The following SCRG1 variants were observed in gnomAD, a reference collection of about 807,000 sequenced individuals.
SCRG1 encodes the protein stimulator of chondrogenesis 1, also known as scrapie-responsive protein 1.
Under a neutral mutation model 7.7 loss-of-function variants are expected in SCRG1, and 3 were observed. That is an observed-to-expected ratio of 0.39 (90% confidence interval 0.18 to 1.01). The LOEUF is 1.01. SCRG1 is among the 50% of genes least tolerant of loss of function. The probability of loss-of-function intolerance (pLI) is 0.36; values close to 1 mark genes in which losing one functional copy is unlikely to be tolerated. For synonymous variants in SCRG1, 46 were observed against 41.2 expected (o/e 1.12, Z -0.44); for missense variants, 110 against 117.2 (o/e 0.94, Z 0.28).
chr4:173,395,970 A>G (rs1265835540), intron 1 of SCRG1, among the ~76,000 whole-genome samples: 1 of 152,234 alleles, frequency 6.6e-6, no homozygotes, highest in Non-Finnish European at 1.5e-5. Flanking sequence ...GAACAGTAGC[A>G]TGATCTGATT....
At chr4:173,471,570 C>A in the SCRG1 span, among the ~76,000 whole-genome samples, 2 of 151,974 alleles carry the variant, frequency 1.3e-5, no homozygotes, top group Admixed American at 1.3e-4. Flanking sequence ...TAAAAAATGG[C>A]CATTTCAGAG....
the SCRG1 span, chr4:173,470,028 CCAGA>C: frequency 2.0e-5 from 3 of 151,802 alleles, no homozygotes; most frequent in African/African-American, 7.3e-5. Context: ...GGAAGAATGC[CCAGA>C]CAGAGTCAGG....
chr4:173,410,701 T>C (rs1740017477), upstream of SCRG1, among the ~76,000 whole-genome samples: 2 of 152,246 alleles, frequency 1.3e-5, no homozygotes, highest in South Asian at 4.1e-4. Context: ...CTACAGATTA[T>C]ATTTAATATG....
the SCRG1 span, among the ~76,000 whole-genome samples, chr4:173,447,010 T>G: frequency 3.9e-5 from 6 of 152,234 alleles, no homozygotes; most frequent in Admixed American, 3.3e-4. Flanking sequence ...AATATGAATT[T>G]TAGAAAATTT....
At chr4:173,418,003 T>C in the SCRG1 span, among the ~76,000 whole-genome samples, 3,268 of 152,284 alleles carry the variant, frequency 0.021, 124 homozygotes, top group African/African-American at 0.071. Flanking sequence ...TCATGATAAA[T>C]GCAGGTTGAC....
the SCRG1 span, among the ~76,000 whole-genome samples, chr4:173,483,028 AAT>A: frequency 1.6e-5 from 2 of 127,936 alleles, no homozygotes; most frequent in African/African-American, 3.0e-5. Flanking sequence ...ATTTATATGT[AAT>A]ATATTTCATG....
the SCRG1 span, among the ~76,000 whole-genome samples, chr4:173,465,240 A>G: frequency 6.6e-6 from 1 of 152,196 alleles, no homozygotes; most frequent in African/African-American, 2.4e-5. Flanking sequence ...GAAAATGGTA[A>G]ATGTTATGAA....
chr4:173,489,396 T>C, the SCRG1 span, among the ~76,000 whole-genome samples: 1 of 152,230 alleles, frequency 6.6e-6, no homozygotes, highest in Non-Finnish European at 1.5e-5. Flanking sequence ...ATTCATTTTA[T>C]AAATGATTTG....
the SCRG1 span, among the ~76,000 whole-genome samples, chr4:173,491,453 C>T: frequency 6.6e-6 from 1 of 152,214 alleles, no homozygotes; most frequent in Non-Finnish European, 1.5e-5. Flanking sequence ...GTGTACTCCT[C>T]CTGCAGAGAT....
At chr4:173,498,483 C>CAGCA in the SCRG1 span, among the ~76,000 whole-genome samples, 6 of 152,200 alleles carry the variant, frequency 3.9e-5, no homozygotes, top group Non-Finnish European at 8.8e-5. Flanking sequence ...CCCTGGGCCC[C>CAGCA]AGCATACTCA....
chr4:173,472,746 G>T, the SCRG1 span, among the ~76,000 whole-genome samples: 1 of 152,138 alleles, frequency 6.6e-6, no homozygotes, highest in Admixed American at 6.5e-5. Flanking sequence ...CCCACATTAG[G>T]CAGGGAAATC....
At chr4:173,449,348 C>T in the SCRG1 span, among the ~76,000 whole-genome samples, 12,281 of 151,934 alleles carry the variant, frequency 0.081, 575 homozygotes, top group Non-Finnish European at 0.097. Flanking sequence ...ACTGTTGACA[C>T]TCTGGCTATC....
the SCRG1 span, chr4:173,419,842 A>G: frequency 4.4e-6 from 6 of 1,361,154 alleles, no homozygotes; most frequent in Non-Finnish European, 6.2e-6. Context: ...TGCCTAACCT[A>G]TTGAGAAGCC....
At chr4:173,456,306 A>G in the SCRG1 span, among the ~76,000 whole-genome samples, 1 of 152,222 alleles carries the variant, frequency 6.6e-6, no homozygotes, top group Non-Finnish European at 1.5e-5. Context: ...CTGTATGGTA[A>G]TAAGTTTCTT....
the SCRG1 span, among the ~76,000 whole-genome samples, chr4:173,486,796 C>T: frequency 1.3e-5 from 2 of 152,130 alleles, no homozygotes; most frequent in Admixed American, 6.5e-5. Flanking sequence ...TATTTTTAGG[C>T]TCAGACTAAC....
At chr4:173,519,001 G>C in the SCRG1 span, among the ~76,000 whole-genome samples, 1 of 152,046 alleles carries the variant, frequency 6.6e-6, no homozygotes, top group Non-Finnish European at 1.5e-5. Context: ...GGGGCCCTTC[G>C]GTGCTGTGTA....
At chr4:173,427,576 A>G in the SCRG1 span, among the ~76,000 whole-genome samples, 1 of 152,234 alleles carries the variant, frequency 6.6e-6, no homozygotes, top group Non-Finnish European at 1.5e-5. Flanking sequence ...GCCTATGGGA[A>G]GAGGCACCTT....
chr4:173,464,818 T>C, the SCRG1 span, among the ~76,000 whole-genome samples: 5 of 152,180 alleles, frequency 3.3e-5, no homozygotes, highest in Admixed American at 6.5e-5. Flanking sequence ...TCATTCACCA[T>C]AGCCAAAAGG....
intron 1 of SCRG1, among the ~76,000 whole-genome samples, chr4:173,398,814 G>A (rs531444945): frequency 8.8e-4 from 134 of 152,276 alleles, no homozygotes; most frequent in African/African-American, 3.1e-3. Flanking sequence ...TGAAGAATCT[G>A]CCTCTTTTTA....
Sources: allele counts gnomAD v4.1 joint callset (sites outside exome capture counted in the v4.1 genomes callset), GRCh38; gene constraint gnomAD v4.1.1; transcripts MANE v1.5; gene names NCBI Gene and HGNC (gene_info 2026-07-23, HGNC 2026-07-21).